The following DCN variants were observed in gnomAD, a reference collection of about 807,000 sequenced individuals.
DCN encodes decorin.
In DCN, 17 loss-of-function variants were observed where a neutral mutation model predicts 36.5. The ratio of observed to expected loss-of-function variants is 0.47; its 90% CI spans 0.32 to 0.70. DCN has a LOEUF of 0.70. Among genes scored for constraint, DCN ranks in the 30% least tolerant of loss-of-function variants. DCN has a pLI of 0.04. For synonymous variants in DCN, 163 were observed against 161.4 expected (o/e 1.01, Z -0.07); for missense variants, 389 against 430.1 (o/e 0.90, Z 0.84).
chr12:91,181,149 TGAGA>T (rs71881905), intron 1 of DCN, among the ~76,000 whole-genome samples: 18,948 of 151,330 alleles, frequency 0.13, 1,673 homozygotes, highest in African/African-American at 0.25. Context: ...TGTGTGTGTG[TGAGA>T]GAGAGAGAAT....
rs1880730847 is a variant in DCN, at chr12:91,140,751, A to G, written c.*5307T>C. 6.6e-6 allele frequency: 1 copy of G among 152,190 alleles called. No individual in the cohort carries two copies. Among genetic ancestry groups the G allele is most frequent in the Non-Finnish European group, 1.5e-5 (1 of 68,038 alleles). 9.4% of individuals were successfully genotyped at this position (152,190 alleles called of 1,614,324 possible). A position where few individuals can be genotyped will look rare whatever the true frequency, so the allele number is the denominator to read the frequency against. ...TGACACCTCCATATGGAAGTTGAAT[A>G]TGCATCTCAAAAAGAACAGATTCAA... is the stretch of plus-strand genomic sequence containing the variant. On this transcript the variant is annotated 3_prime_UTR_variant, in exon 8 of 8. Transcript: ENST00000052754.
chr12:91,163,455 C>G (rs993914512), intron 3 of DCN, among the ~76,000 whole-genome samples: 4 of 152,116 alleles, frequency 2.6e-5, no homozygotes, highest in African/African-American at 9.7e-5. Flanking sequence ...GTGGAACTAC[C>G]CAGCTCTCCC....
chr12:91,161,132 T>C (rs1237860816), intron 3 of DCN, among the ~76,000 whole-genome samples: 1 of 152,188 alleles, frequency 6.6e-6, no homozygotes, highest in Non-Finnish European at 1.5e-5. Flanking sequence ...GGTTGAAGGC[T>C]CTAATGAACT....
In DCN at chr12:91,164,490, T is replaced by C. The variant is rs1054016440; in HGVS notation, c.324+115A>G. 2.2e-4 allele frequency: 97 copies of C among 435,100 alleles called. 1 individual carries two copies. The South Asian group carries it at 2.4e-3, about 11-fold the overall frequency. The allele number at this position is 435,100 out of a possible 1,614,324, so 27.0% of individuals were successfully genotyped here. On this transcript the variant is annotated intron_variant, in intron 3 of 7. Transcript: ENST00000052754. ...AAAAAAAAAAAAAAGGTGAAGTTAA[T>C]AAACACTAATGTGCTTCTTTGTTGG...
intron 6 of DCN, 105 bp downstream of exon 6, chr12:91,152,991 T>A (rs1881531799): frequency 1.4e-6 from 1 of 731,814 alleles, no homozygotes; most frequent in Admixed American, 1.9e-5. Context: ...AGCAGTGAAA[T>A]GTAGTACACT....
rs2121322758 is a variant in DCN at position 91,177,582 on chromosome 12, A to G, written c.211+760T>C. 3 of 702,374 alleles carry G rather than the reference A, an allele frequency of 4.3e-6. No individual in the cohort carries two copies. The South Asian group carries it at 4.4e-5, about 10-fold the overall frequency. The allele number at this position is 702,374 out of a possible 1,614,324, so 43.5% of individuals were successfully genotyped here. A position where few individuals can be genotyped will look rare whatever the true frequency, so the allele number is the denominator to read the frequency against. ...TGAGCTTCAATCTTTCTGGAGATTT[A>G]TCTTCTAAGTGTAATGCTCTTGGAA... On this transcript the variant is annotated intron_variant, in intron 2 of 7. Transcript: ENST00000052754.
At chr12:91,169,290 G>A (rs1882779816) in intron 2 of DCN, among the ~76,000 whole-genome samples, 1 of 140,724 alleles carries the variant, frequency 7.1e-6, no homozygotes, top group Admixed American at 7.8e-5. Context: ...TCGGGAAGGA[G>A]GATCCCCTGA....
rs2121114228 is a variant in DCN, at chr12:91,144,781, G to A, written c.*1277C>T. The A allele has an allele frequency of 6.6e-6, 1 of 152,110 alleles. No homozygotes were observed. Among genetic ancestry groups the A allele is most frequent in the African/African-American group, 2.4e-5 (1 of 41,478 alleles). 9.4% of individuals were successfully genotyped at this position (152,110 alleles called of 1,614,324 possible). A position where few individuals can be genotyped will look rare whatever the true frequency, so the allele number is the denominator to read the frequency against. ...GCATCTATGGAAACCCACCTCAACTGTTATCTCCTCAAGTTTTTCATGTTC... is the reference window on the plus strand; with the variant it reads ...GCATCTATGGAAACCCACCTCAACTATTATCTCCTCAAGTTTTTCATGTTC... On this transcript the variant is annotated 3_prime_UTR_variant, in exon 8 of 8. Transcript: ENST00000052754.
At chr12:91,167,468 GACAGAC>G (rs1014886304) in intron 2 of DCN, among the ~76,000 whole-genome samples, 13 of 141,270 alleles carry the variant, frequency 9.2e-5, no homozygotes, top group East Asian at 3.9e-4. Context: ...CACACAGACA[GACAGAC>G]ACACACACAC....
intron 3 of DCN, among the ~76,000 whole-genome samples, chr12:91,164,400 C>CAAAAAAAAAAAAAAAAAGAAAAA: frequency 1.3e-5 from 1 of 78,916 alleles, no homozygotes; most frequent in Non-Finnish European, 2.2e-5. Context: ...AAGCATAATT[C>CAAAAAAAAAAAAAAAAAGAAAAA]AAAAAAAAAA....
intron 2 of DCN, among the ~76,000 whole-genome samples, chr12:91,168,789 T>C (rs1195014420): frequency 1.3e-5 from 2 of 152,232 alleles, no homozygotes; most frequent in Non-Finnish European, 2.9e-5. Flanking sequence ...GTCATTCCCA[T>C]TATCTGCACC....
At chr12:91,176,635 C>T (rs1883305277) in intron 2 of DCN, 1 of 152,054 alleles carries the variant, frequency 6.6e-6, no homozygotes, top group Non-Finnish European at 1.5e-5. Context: ...GAAGCAAAGG[C>T]AAACTATATT....
rs7441 is a variant in DCN at position 91,145,898 on chromosome 12, G to C, written c.*160C>G. 6 of 630,124 alleles carry C rather than the reference G, an allele frequency of 9.5e-6. No homozygotes were observed. The African/African-American group carries it at 1.1e-4, about 12-fold the overall frequency. The allele number at this position is 630,124 out of a possible 1,614,324, so 39.0% of individuals were successfully genotyped here. On this transcript the variant is annotated 3_prime_UTR_variant, in exon 8 of 8. Coordinates refer to ENST00000052754, the MANE Select transcript of DCN (RefSeq NM_001920.5). ...CAGGCAAAATTTCTTTTTATTGTAGGCAATTACTTAAACTGGAAATTTGGC... is the reference window on the plus strand; with the variant it reads ...CAGGCAAAATTTCTTTTTATTGTAGCCAATTACTTAAACTGGAAATTTGGC...
chr12:91,153,372 G>T (rs1184360414), intron 5 of DCN, among the ~76,000 whole-genome samples, 183 bp from the exon 6 acceptor site: 1 of 151,876 alleles, frequency 6.6e-6, no homozygotes, highest in Non-Finnish European at 1.5e-5. Flanking sequence ...GGAAGTAGTG[G>T]AAGCCCTTGC....
At chr12:91,181,771 A>T (rs2121336964) in intron 1 of DCN, among the ~76,000 whole-genome samples, 1 of 152,218 alleles carries the variant, frequency 6.6e-6, no homozygotes, top group Admixed American at 6.6e-5. Context: ...AAAATCCTAC[A>T]GCACTAGATG....
chr12:91,177,555 A>G, intron 2 of DCN: 1 of 702,166 alleles, frequency 1.4e-6, no homozygotes, highest in Non-Finnish European at 2.6e-6. Context: ...TGGCCCATCC[A>G]CTGAGCTTCA....
intron 2 of DCN, among the ~76,000 whole-genome samples, chr12:91,169,337 T>C (rs1882782738): frequency 8.0e-6 from 1 of 125,076 alleles, no homozygotes; most frequent in Non-Finnish European, 1.6e-5. Context: ...GCTGTGATCA[T>C]GCCACTGCAC....
chr12:91,173,463 T>A (rs1163567797), intron 2 of DCN, among the ~76,000 whole-genome samples: 1 of 152,170 alleles, frequency 6.6e-6, no homozygotes, highest in Non-Finnish European at 1.5e-5. Context: ...AACCCCTGGA[T>A]TCAGGAGACT....
At chr12:91,157,931 A>G (rs1881902506) in intron 4 of DCN, among the ~76,000 whole-genome samples, 1 of 152,180 alleles carries the variant, frequency 6.6e-6, no homozygotes, top group Admixed American at 6.6e-5. Flanking sequence ...CCCAGCCATA[A>G]CATATTTTTA....
Sources: allele counts gnomAD v4.1 joint callset (sites outside exome capture counted in the v4.1 genomes callset), GRCh38; gene constraint gnomAD v4.1.1; transcripts MANE v1.5; gene names NCBI Gene and HGNC (gene_info 2026-07-23, HGNC 2026-07-21).